FRMD1: variants seen among roughly 807,000 people sequenced by gnomAD.
FRMD1 encodes FERM domain-containing protein 1.
FRMD1 carries 51 observed loss-of-function variants against 54.9 expected under a neutral mutation model. The observed-to-expected ratio is 0.93, with a 90% CI of 0.74 to 1.17. The LOEUF is 1.17. Among genes scored for constraint, FRMD1 ranks in the 50% most tolerant of loss-of-function variants. FRMD1 has a pLI of 0.00. For missense variants in FRMD1, 729 were observed against 743.0 expected (o/e 0.98, Z 0.22); for synonymous variants, 324 against 306.4 (o/e 1.06, Z -0.60).
intron 7 of FRMD1, among the ~76,000 whole-genome samples, chr6:168,062,211 G>A (rs1393427045): frequency 1.3e-5 from 2 of 152,224 alleles, no homozygotes; most frequent in African/African-American, 2.4e-5. Context: ...GCAGTGTGAG[G>A]GGAGTGGAGG....
chr6:168,062,846 G>A (rs1320592921), intron 7 of FRMD1, 48 bp downstream of exon 7: 13 of 1,602,604 alleles, frequency 8.1e-6, no homozygotes, highest in African/African-American at 6.7e-5. Context: ...GGAGGAGGGG[G>A]TGGGGGCAGG....
intron 1 of FRMD1, among the ~76,000 whole-genome samples, chr6:168,088,386 C>T (rs1284426446): frequency 2.0e-5 from 3 of 152,134 alleles, no homozygotes; most frequent in Non-Finnish European, 2.9e-5. Context: ...GGAGGCAAGG[C>T]GAGCACAAAG....
At chr6:168,079,234 A>T, upstream of FRMD1, 1 of 1,406,078 alleles carries the variant, frequency 7.1e-7, no homozygotes, top group Non-Finnish European at 9.3e-7. Context: ...CTGGGCTGGG[A>T]ATCCAGCATG....
intron 5 of FRMD1, among the ~76,000 whole-genome samples, chr6:168,064,247 C>T (rs1197105861): frequency 1.3e-5 from 2 of 152,204 alleles, no homozygotes; most frequent in Non-Finnish European, 2.9e-5. Context: ...GAGAAGGCCC[C>T]AAGGTGCACA....
chr6:168,077,821 A>C (rs536554958), intron 1 of FRMD1, among the ~76,000 whole-genome samples: 5 of 152,210 alleles, frequency 3.3e-5, no homozygotes, highest in Admixed American at 2.6e-4. Flanking sequence ...AGGTCCTCTT[A>C]TGACCCCTCC....
At chr6:168,069,127 T>C (rs1037629244) in intron 2 of FRMD1, among the ~76,000 whole-genome samples, 10 of 152,236 alleles carry the variant, frequency 6.6e-5, no homozygotes, top group African/African-American at 9.6e-5. Context: ...TTCAACCTGA[T>C]GGCACTGTTA....
chr6:168,084,540 A>G (rs566641086), upstream of FRMD1, among the ~76,000 whole-genome samples: 1 of 152,210 alleles, frequency 6.6e-6, no homozygotes, highest in African/African-American at 2.4e-5. Flanking sequence ...AACCCCAGAG[A>G]TGCAGTCTCG....
rs562468087 is a variant in FRMD1 at position 168,055,683 on chromosome 6, C to T, written c.*1414G>A. On this transcript the variant is annotated 3_prime_UTR_variant, in exon 11 of 11. Transcript: ENST00000283309. The stretch of plus-strand genomic sequence containing the variant: ...CAGGAATTGTGGGCAGTCTTGCCCT[C>T]GGCAGCACTGGGGCTTGTGGCCATC... 1.3e-5 allele frequency: 2 copies of T among 152,322 alleles called. No individual in the cohort carries two copies. The highest frequency in any genetic ancestry group is 1.9e-4 in the East Asian group (1 of 5,152). 9.4% of individuals were successfully genotyped at this position (152,322 alleles called of 1,614,324 possible).
rs1799408348 is a variant in FRMD1 at position 168,056,459 on chromosome 6, G to C, written c.*638C>G. ...TGGGGTCTTTGGAAGCCCTGGCTTGGAAGGGAAAGCACAGCCATTGACTGT... is the reference window on the plus strand; with the variant it reads ...TGGGGTCTTTGGAAGCCCTGGCTTGCAAGGGAAAGCACAGCCATTGACTGT... On this transcript the variant is annotated 3_prime_UTR_variant, in exon 11 of 11. Coordinates refer to ENST00000283309, the MANE Select transcript of FRMD1 (RefSeq NM_024919.6). 6.6e-6 allele frequency: 1 copy of C among 152,516 alleles called. No individual in the cohort carries two copies. The highest frequency in any genetic ancestry group is 2.4e-5 in the African/African-American group (1 of 41,462). The allele number at this position is 152,516 out of a possible 1,614,324, so 9.4% of individuals were successfully genotyped here.
chr6:168,074,981 G>C (rs1800512666), intron 2 of FRMD1, among the ~76,000 whole-genome samples: 1 of 151,330 alleles, frequency 6.6e-6, no homozygotes, highest in Non-Finnish European at 1.5e-5. Context: ...CGTGCAAGTG[G>C]TGTGTAACTG....
At position 168,063,851 on chromosome 6, in the gene FRMD1, C is replaced by T. The variant is rs1315240003; in HGVS notation, c.649-95G>A. ...TCCGAGAAGCTTCCCCAGACTCCCA[C>T]AGCTGGTGCCAACCTCGGTGGGCAG... On this transcript the variant is annotated intron_variant, in intron 5 of 10. Transcript: ENST00000283309. 5.0e-6 allele frequency: 7 copies of T among 1,399,860 alleles called. No homozygotes were observed. The East Asian group carries it at 1.3e-4, about 27-fold the overall frequency. 86.7% of individuals were successfully genotyped at this position (1,399,860 alleles called of 1,614,324 possible).
rs1189278197 is a variant in FRMD1 at position 168,057,280 on chromosome 6, C to T, written c.1467G>A (p.Met489Ile). Residue 489 changes from methionine (M) to isoleucine (I), a missense_variant, in exon 11 of 11, where the codon ATG becomes ATA. Met to Ile is a conservative substitution (Grantham distance 10). Coordinates refer to ENST00000283309, the MANE Select transcript of FRMD1 (RefSeq NM_024919.6). ...GGTGCAGGGCCAGCTGGTGCAGCTG[C>T]ATGTCGTCCAGGCCATGGCTGTGCT... ...EEQHSHGLDD[M>I]QLHQLALHPA... is the part of the protein sequence containing the mutation. 9.9e-6 allele frequency: 16 copies of T among 1,612,454 alleles called. No homozygotes were observed. Among genetic ancestry groups the T allele is most frequent in the Non-Finnish European group, 1.4e-5 (16 of 1,179,712 alleles).
Position 168,064,924 on chromosome 6 carries a change from C to T in FRMD1, c.595G>A (p.Glu199Lys), listed in dbSNP as rs769976630. ...AAGTACCTCCCGGCATGGGCCGACT[C>T]CCGGTGCTCGCCCAGGTCAGCCTGC... Reference protein sequence around the residue: ...ALQADLGEHRESAHAGRYFEP... With the variant: ...ALQADLGEHRKSAHAGRYFEP... Residue 199 changes from glutamate (E) to lysine (K), a missense_variant, in exon 5 of 11, where the codon GAG becomes AAG. Physicochemically the swap from Glu to Lys is moderately conservative, Grantham distance 56 (BLOSUM62 1). Coordinates refer to ENST00000283309, the MANE Select transcript of FRMD1 (RefSeq NM_024919.6). The T allele has an allele frequency of 6.2e-7, 1 of 1,606,498 alleles. No homozygotes were observed. Among genetic ancestry groups the T allele is most frequent in the Non-Finnish European group, 8.5e-7 (1 of 1,177,134 alleles).
chr6:168,067,273 C>T (rs1218440369), intron 3 of FRMD1, 94 bp downstream of exon 3: 4 of 815,876 alleles, frequency 4.9e-6, no homozygotes, highest in Middle Eastern at 3.0e-4. Flanking sequence ...CACAGCCCAC[C>T]GCGGTGCCTG....
At chr6:168,067,735 A>G (rs1583186786) in intron 2 of FRMD1, among the ~76,000 whole-genome samples, 1 of 152,264 alleles carries the variant, frequency 6.6e-6, no homozygotes, top group Non-Finnish European at 1.5e-5. Flanking sequence ...TGGGAAAGCA[A>G]CTTAGCAACA....
chr6:168,057,051 G>C lies in FRMD1; in HGVS notation c.*46C>G. Reference sequence around the variant, plus strand: ...GGGCCATGTGGAAGTGGGGTGGGCAGGGGCTGAGCCTGGCGGTGCGGACGG... The same window carrying C: ...GGGCCATGTGGAAGTGGGGTGGGCACGGGCTGAGCCTGGCGGTGCGGACGG... On this transcript the variant is annotated 3_prime_UTR_variant, in exon 11 of 11. Transcript: ENST00000283309. The C allele has an allele frequency of 7.0e-7, 1 of 1,435,374 alleles. No homozygotes were observed. The highest frequency in any genetic ancestry group is 1.5e-5 in the African/African-American group (1 of 68,776). 88.9% of individuals were successfully genotyped at this position (1,435,374 alleles called of 1,614,324 possible).
At chr6:168,075,203 G>T (rs368889780) in intron 2 of FRMD1, 42 bp downstream of exon 2, 2 of 1,562,438 alleles carry the variant, frequency 1.3e-6, no homozygotes, top group Non-Finnish European at 1.8e-6. Flanking sequence ...AGCAGATGCG[G>T]CCCCTGGGCA....
chr6:168,084,524 G>T (rs1028235369), upstream of FRMD1, among the ~76,000 whole-genome samples: 2 of 152,176 alleles, frequency 1.3e-5, no homozygotes, highest in African/African-American at 4.8e-5. Flanking sequence ...CCTGGACCAA[G>T]AAGAAAACCC....
Position 168,061,032 on chromosome 6 carries a change from A to G in FRMD1, c.1071T>C (p.Tyr357=), listed in dbSNP as rs368350903. ...AEEKQHYRES[Y]ISDELELDLA... is the part of the protein sequence containing the mutation. The stretch of plus-strand genomic sequence containing the variant: ...GGTCCAGCTCCAGCTCATCGCTGAT[A>G]TAGGACTCCCGGTAGTGCTGCTTCT... The change falls in exon 9 of 11, where the codon TAT becomes TAC. Residue 357 remains tyrosine (Y), a synonymous_variant. Transcript: ENST00000283309. 1.9e-6 allele frequency: 3 copies of G among 1,611,784 alleles called. No homozygotes were observed. The highest frequency in any genetic ancestry group is 2.2e-5 in the South Asian group (2 of 91,052).
Sources: allele counts gnomAD v4.1 joint callset (sites outside exome capture counted in the v4.1 genomes callset), GRCh38; gene constraint gnomAD v4.1.1; transcripts MANE v1.5; gene names NCBI Gene and HGNC (gene_info 2026-07-23, HGNC 2026-07-21).